The following CD2AP variants were observed in gnomAD, a reference collection of about 807,000 sequenced individuals.
The protein encoded by CD2AP is CD2 associated protein.
CD2AP carries 46 observed loss-of-function variants against 85.1 expected under a neutral mutation model. That is an observed-to-expected ratio of 0.54 (90% CI 0.43 to 0.69). CD2AP has a LOEUF of 0.69. Ranked by LOEUF, CD2AP falls within the 30% of genes least tolerant of loss-of-function variation. The probability of loss-of-function intolerance (pLI) is 0.00; values close to 1 mark genes in which losing one functional copy is unlikely to be tolerated. For missense variants in CD2AP, 769 were observed against 729.5 expected (o/e 1.05, Z -0.62); for synonymous variants, 255 against 252.9 (o/e 1.01, Z -0.08).
At chr6:47,495,726 G>T (rs1562002832) in intron 1 of CD2AP, among the ~76,000 whole-genome samples, 1 of 152,144 alleles carries the variant, frequency 6.6e-6, no homozygotes, top group Non-Finnish European at 1.5e-5. Context: ...TTCTTGTAAG[G>T]GTGGGAGTGA....
At chr6:47,606,329 C>T (rs753276648) in intron 14 of CD2AP, 52 bp downstream of exon 14, 10 of 1,039,676 alleles carry the variant, frequency 9.6e-6, no homozygotes, top group African/African-American at 1.6e-5. Flanking sequence ...AATGCAGAGT[C>T]CATTGGAAGA....
At chr6:47,587,674 AAGGG>A (rs1302079680) in intron 11 of CD2AP, among the ~76,000 whole-genome samples, 12 of 152,178 alleles carry the variant, frequency 7.9e-5, no homozygotes, top group African/African-American at 2.9e-4. Context: ...TCATGATACA[AAGGG>A]AGGAACTCAT....
chr6:47,480,286 CTCTTTAATATAAA>C (rs1765411313), intron 1 of CD2AP, among the ~76,000 whole-genome samples: 1 of 152,084 alleles, frequency 6.6e-6, no homozygotes, highest in South Asian at 2.1e-4. Context: ...AGGGAGTTTG[CTCTTTAATATAAA>C]TCTCATTTAT....
rs1348861255 is a variant in CD2AP, at chr6:47,577,134, T to G, written c.903+31T>G. On this transcript the variant is annotated intron_variant, in intron 8 of 17. Coordinates refer to ENST00000359314, the MANE Select transcript of CD2AP (RefSeq NM_012120.3). ...GTGTTTCTGTTTTTCAGTGAATTGC[T>G]TAATTTATTTATAGAAATATTTTTC... is the stretch of plus-strand genomic sequence containing the variant. The G allele has an allele frequency of 2.8e-6, 3 of 1,069,820 alleles. No individual in the cohort carries two copies. The South Asian group carries it at 3.8e-5, about 13-fold the overall frequency. The allele number at this position is 1,069,820 out of a possible 1,614,324, so 66.3% of individuals were successfully genotyped here.
chr6:47,601,652 T>C (rs1769138754), intron 13 of CD2AP, among the ~76,000 whole-genome samples: 1 of 152,000 alleles, frequency 6.6e-6, no homozygotes. Flanking sequence ...ATGTTCCTAG[T>C]ATTAGTAATA....
At chr6:47,502,504 T>C (rs1766021544) in intron 1 of CD2AP, among the ~76,000 whole-genome samples, 2 of 150,692 alleles carry the variant, frequency 1.3e-5, no homozygotes, top group Admixed American at 6.6e-5. Context: ...TTTTTTTTTT[T>C]TTTTTTTTGA....
chr6:47,508,708 C>A (rs972535609), intron 2 of CD2AP, among the ~76,000 whole-genome samples: 1 of 152,036 alleles, frequency 6.6e-6, no homozygotes, highest in Non-Finnish European at 1.5e-5. Context: ...CCACGCCCAG[C>A]TAATTTTTGT....
chr6:47,536,040 C>T (rs555490450), intron 3 of CD2AP, among the ~76,000 whole-genome samples: 6 of 152,252 alleles, frequency 3.9e-5, no homozygotes, highest in Admixed American at 3.9e-4. Flanking sequence ...AATCATTATG[C>T]AGTTGGTGCC....
chr6:47,549,966 A>T (rs555459739), intron 4 of CD2AP, among the ~76,000 whole-genome samples: 19 of 152,278 alleles, frequency 1.2e-4, no homozygotes, highest in South Asian at 4.1e-4. Flanking sequence ...GGGAAAGGAC[A>T]TCCTTTTCAA....
chr6:47,497,096 T>G (rs148855298), intron 1 of CD2AP, among the ~76,000 whole-genome samples: 18 of 152,276 alleles, frequency 1.2e-4, no homozygotes, highest in Non-Finnish European at 2.9e-5. Context: ...GTACGATAAT[T>G]TGATTGTCAA....
Position 47,595,952 on chromosome 6 carries a change from T to C in CD2AP, c.1200T>C (p.Asn400=). The C allele has an allele frequency of 6.2e-7, 1 of 1,612,708 alleles. No individual in the cohort carries two copies. The highest frequency in any genetic ancestry group is 8.5e-7 in the Non-Finnish European group (1 of 1,178,950). The change falls in exon 12 of 18, where the codon AAT becomes AAC. Residue 400 remains asparagine, a synonymous_variant. Transcript: ENST00000359314. The part of the protein sequence containing the change: ...KKPTPPTKAS[N]LLRSSGTVYP... Reference sequence around the variant, plus strand: ...CTACTCCACCTACCAAAGCCAGTAATTTACTGAGATCTTCTGGAACAGTGT... The same window carrying C: ...CTACTCCACCTACCAAAGCCAGTAACTTACTGAGATCTTCTGGAACAGTGT...
At chr6:47,595,038 G>C (rs956293600) in intron 11 of CD2AP, among the ~76,000 whole-genome samples, 11 of 151,882 alleles carry the variant, frequency 7.2e-5, no homozygotes, top group Non-Finnish European at 1.6e-4. Flanking sequence ...TACGTCTTAA[G>C]ACACATTTTA....
intron 1 of CD2AP, among the ~76,000 whole-genome samples, chr6:47,489,918 A>G (rs1765681074): frequency 2.0e-5 from 3 of 152,100 alleles, no homozygotes. Context: ...TTTATCTTCT[A>G]AAAACTGTGG....
In CD2AP at chr6:47,574,227, A is replaced by G. The variant is rs781129940; in HGVS notation, c.705A>G (p.Glu235=). The G allele has an allele frequency of 1.1e-5, 18 of 1,614,040 alleles. No individual in the cohort carries two copies. The Admixed American group carries it at 2.8e-4, about 25-fold the overall frequency. ...TTCGGACAAGAACATCCAGTAGTGA[A>G]ACAGAAGAGAAAAAACCAGAAAAGG... The part of the protein sequence containing the change: ...VKLRTRTSSS[E]TEEKKPEKPL... Residue 235 remains glutamate (E), a synonymous_variant, in exon 6 of 18, where the codon GAA becomes GAG. Transcript: ENST00000359314.
At position 47,490,594 on chromosome 6, in the gene CD2AP, G is replaced by A. The variant is rs1765709023; in HGVS notation, c.4+12346G>A. Among the ~76,000 whole-genome samples, 4 of 151,942 alleles carry A rather than the reference G, an allele frequency of 2.6e-5. No individual in the cohort carries two copies. In the South Asian group the frequency reaches 8.3e-4, roughly 32 times the overall value. On this transcript the variant is annotated intron_variant, in intron 1 of 17. Coordinates refer to ENST00000359314, the MANE Select transcript of CD2AP (RefSeq NM_012120.3). ...GACAAGTGATTAATCACATGTACGT[G>A]GTAATTTCTTTGTTTTTAGAACTGT...
chr6:47,573,438 A>G (rs1768209482), intron 5 of CD2AP, among the ~76,000 whole-genome samples: 1 of 150,920 alleles, frequency 6.6e-6, no homozygotes, highest in Non-Finnish European at 1.5e-5. Flanking sequence ...TGTTTGTCTC[A>G]CATTATATCA....
At chr6:47,556,012 C>G (rs1767672378) in intron 5 of CD2AP, among the ~76,000 whole-genome samples, 1 of 149,548 alleles carries the variant, frequency 6.7e-6, no homozygotes, top group African/African-American at 2.5e-5. Context: ...TTATAAACCT[C>G]AGTGCACTCA....
chr6:47,612,114 A>G (rs1221058728), intron 16 of CD2AP, among the ~76,000 whole-genome samples: 1 of 152,032 alleles, frequency 6.6e-6, no homozygotes, highest in African/African-American at 2.4e-5. Context: ...TTGTATTGTG[A>G]TGTGTTGATA....
intron 11 of CD2AP, among the ~76,000 whole-genome samples, chr6:47,584,823 C>A (rs997232116): frequency 1.3e-5 from 2 of 151,910 alleles, no homozygotes; most frequent in African/African-American, 2.4e-5. Flanking sequence ...AATATCTGTC[C>A]TACCTGAAAA....
Sources: gnomAD v4.1 joint callset for allele counts (sites outside exome capture counted in the v4.1 genomes callset) on GRCh38, gnomAD v4.1.1 for gene constraint, MANE v1.5 for transcripts, NCBI Gene and HGNC (gene_info 2026-07-23, HGNC 2026-07-21) for gene names.